Variants in LGR6 observed in about 807,000 individuals in gnomAD.
LGR6 encodes leucine rich repeat containing G protein-coupled receptor 6.
A neutral mutation model predicts 69.4 loss-of-function variants in LGR6; 45 were observed. The ratio of observed to expected loss-of-function variants is 0.65; its 90% CI spans 0.51 to 0.83. LGR6 has a LOEUF of 0.83. LGR6 is among the 40% of genes least tolerant of loss of function. The pLI is 0.00. For synonymous variants in LGR6, 538 were observed against 555.0 expected (o/e 0.97, Z 0.43); for missense variants, 1,108 against 1,246.7 (o/e 0.89, Z 1.68).
In LGR6 at chr1:202,208,932, G is replaced by C. The variant is rs531594225; in HGVS notation, c.212+14731G>C. ...TAGGGGTAAAGAGTGTAGTAAGAGGGGAAGGCTTGGAAGCTCAGAAACTTG... is the reference window on the plus strand; with the variant it reads ...TAGGGGTAAAGAGTGTAGTAAGAGGCGAAGGCTTGGAAGCTCAGAAACTTG... On this transcript the variant is annotated intron_variant, in intron 1 of 17. Coordinates refer to ENST00000367278, the MANE Select transcript of LGR6 (RefSeq NM_001017403.2). Among the ~76,000 whole-genome samples, 109 of 152,200 alleles carry C rather than the reference G, an allele frequency of 7.2e-4. 1 individual carries two copies. Among genetic ancestry groups the C allele is most frequent in the African/African-American group, 2.0e-3 (84 of 41,504 alleles).
intron 6 of LGR6, among the ~76,000 whole-genome samples, chr1:202,282,122 A>G (rs961857915): frequency 6.6e-6 from 1 of 152,196 alleles, no homozygotes; most frequent in African/African-American, 2.4e-5. Flanking sequence ...ACCCTCCGGA[A>G]GACTGAGGAC....
chr1:202,272,669 C>G (rs1372424595), intron 4 of LGR6, among the ~76,000 whole-genome samples: 3 of 152,222 alleles, frequency 2.0e-5, no homozygotes, highest in African/African-American at 7.2e-5. Context: ...AGGGCCCTTC[C>G]CAAGCTCTCC....
At chr1:202,240,701 CTA>C (rs1553244324) in intron 4 of LGR6, among the ~76,000 whole-genome samples, 1 of 152,166 alleles carries the variant, frequency 6.6e-6, no homozygotes, top group Non-Finnish European at 1.5e-5. Flanking sequence ...AGGTGCTACT[CTA>C]TCTTATTCAG....
chr1:202,295,871 GT>G, intron 6 of LGR6, among the ~76,000 whole-genome samples: 1 of 600 alleles, frequency 1.7e-3, no homozygotes, highest in Non-Finnish European at 7.4e-3. Context: ...TGGGTAATTA[GT>G]GTGTGTGTGT....
At chr1:202,241,646 G>A (rs1246396851) in intron 4 of LGR6, among the ~76,000 whole-genome samples, 1 of 151,326 alleles carries the variant, frequency 6.6e-6, no homozygotes, top group Non-Finnish European at 1.5e-5. Context: ...GAGCCTGGGG[G>A]AAAATAGAAA....
chr1:202,214,481 C>A (rs1193549646), intron 1 of LGR6, among the ~76,000 whole-genome samples: 1 of 151,838 alleles, frequency 6.6e-6, no homozygotes, highest in African/African-American at 2.4e-5. Flanking sequence ...CAGGGGCGCG[C>A]GCGCGAGGCT....
chr1:202,250,283 C>T (rs1381051586), intron 4 of LGR6, among the ~76,000 whole-genome samples: 1 of 152,224 alleles, frequency 6.6e-6, no homozygotes, highest in Admixed American at 6.5e-5. Context: ...CCAGAACAGC[C>T]TGCAATCCTA....
intron 9 of LGR6, among the ~76,000 whole-genome samples, chr1:202,301,581 C>T (rs117707154): frequency 1.3e-5 from 2 of 152,208 alleles, no homozygotes; most frequent in African/African-American, 2.4e-5. Flanking sequence ...ATGGTGGGTT[C>T]TCAAGGCTGG....
At chr1:202,276,133 C>A in intron 4 of LGR6, 173 bp from the exon 5 acceptor site, 1 of 586,992 alleles carries the variant, frequency 1.7e-6, no homozygotes, top group South Asian at 2.3e-5. Flanking sequence ...TGGAATGGAG[C>A]CAAATATGGG....
At chr1:202,288,857 G>A (rs143287016) in intron 6 of LGR6, among the ~76,000 whole-genome samples, 16 of 152,234 alleles carry the variant, frequency 1.1e-4, no homozygotes, top group Admixed American at 2.0e-4. Context: ...AAAGATTATC[G>A]GGCCACATTC....
chr1:202,307,712 T>G (rs1196840150), intron 14 of LGR6, among the ~76,000 whole-genome samples: 1 of 152,186 alleles, frequency 6.6e-6, no homozygotes, highest in East Asian at 1.9e-4. Context: ...GAGGATATAT[T>G]GGGCCTGGAA....
chr1:202,296,143 A>G (rs1339947516), intron 6 of LGR6, among the ~76,000 whole-genome samples: 2 of 152,144 alleles, frequency 1.3e-5, no homozygotes, highest in Admixed American at 1.3e-4. Flanking sequence ...ATGGACAACC[A>G]TGAAGGTTGT....
Position 202,194,040 on chromosome 1 carries a change from C to A in LGR6, c.51C>A (p.Cys17Ter). 2 of 1,387,226 alleles carry A rather than the reference C, an allele frequency of 1.4e-6. No homozygotes were observed. Among genetic ancestry groups the A allele is most frequent in the Non-Finnish European group, 9.3e-7 (1 of 1,078,092 alleles). 85.9% of individuals were successfully genotyped at this position (1,387,226 alleles called of 1,614,324 possible). ...CGCTATGGCTTTGCGCCGCGCTGTG[C>A]GCTTCCCGGAGGGCCGGCGGCGCCC... ...LRALWLCAAL[C>*]ASRRAGGAPQ... is the part of the protein sequence containing the mutation. The change falls in exon 1 of 18, where the codon TGC becomes TGA. Residue 17 changes from cysteine (C) to a stop codon, truncating the protein, a stop_gained. Transcript: ENST00000367278. LOFTEE classifies it high-confidence loss of function.
At chr1:202,204,361 C>CACACACACCTCCAA (rs1658961850) in intron 1 of LGR6, among the ~76,000 whole-genome samples, 1 of 104,328 alleles carries the variant, frequency 9.6e-6, no homozygotes, top group Non-Finnish European at 1.9e-5. Context: ...CACACCTCCA[C>CACACACACCTCCAA]ACACACACAC....
chr1:202,195,890 G>A lies in LGR6; in HGVS notation c.212+1689G>A, dbSNP rs557404112. 7.2e-5 allele frequency among the ~76,000 whole-genome samples: 11 copies of A among 152,278 alleles called. No individual in the cohort carries two copies. In the East Asian group the frequency reaches 1.4e-3, roughly 19 times the overall value. ...TTTCTAGAAGGACTTGGGGAAGGAG[G>A]TACACTGTCACCTTTGGAATTCAAG... On this transcript the variant is annotated intron_variant, in intron 1 of 17. Coordinates refer to ENST00000367278, the MANE Select transcript of LGR6 (RefSeq NM_001017403.2).
At chr1:202,306,454 C>T (rs1012583821) in intron 12 of LGR6, among the ~76,000 whole-genome samples, 3 of 152,236 alleles carry the variant, frequency 2.0e-5, no homozygotes, top group South Asian at 4.1e-4. Context: ...TGGCTGAGGC[C>T]CAGGGTCCAT....
At chr1:202,201,329 A>T (rs879336146) in intron 1 of LGR6, among the ~76,000 whole-genome samples, 1 of 152,206 alleles carries the variant, frequency 6.6e-6, no homozygotes, top group Non-Finnish European at 1.5e-5. Flanking sequence ...ATAGGAATCC[A>T]CCATCACCCT....
At chr1:202,221,383 C>T (rs1156532335) in intron 1 of LGR6, among the ~76,000 whole-genome samples, 1 of 152,178 alleles carries the variant, frequency 6.6e-6, no homozygotes, top group African/African-American at 2.4e-5. Flanking sequence ...GTCTGGTTGC[C>T]TCACAGGGTG....
rs142572041 is a variant in LGR6 at position 202,233,997 on chromosome 1, A to G, written c.357-1925A>G. ...TCTGCATCTGTGACAACTATACTGT[A>G]AGGAAGCCCAAGAGACACAGGTTTA... is the stretch of plus-strand genomic sequence containing the variant. On this transcript the variant is annotated intron_variant, in intron 3 of 17. Coordinates refer to ENST00000367278, the MANE Select transcript of LGR6 (RefSeq NM_001017403.2). Among the ~76,000 whole-genome samples the G allele has an allele frequency of 2.0e-4, 30 of 152,354 alleles. No homozygotes were observed. In the East Asian group the frequency reaches 4.8e-3, roughly 24 times the overall value.
Sources: allele counts gnomAD v4.1 joint callset (sites outside exome capture counted in the v4.1 genomes callset), GRCh38; gene constraint gnomAD v4.1.1; transcripts MANE v1.5; gene names NCBI Gene and HGNC (gene_info 2026-07-23, HGNC 2026-07-21).